ITPR2: variants seen among roughly 807,000 people sequenced by gnomAD.
ITPR2 encodes inositol 1,4,5-trisphosphate receptor type 2.
ITPR2 carries 207 observed loss-of-function variants against 317.1 expected under a neutral mutation model. The ratio of observed to expected loss-of-function variants is 0.65; its 90% CI spans 0.58 to 0.73. The LOEUF (loss-of-function observed/expected upper bound fraction) is 0.73. Among genes scored for constraint, ITPR2 ranks in the 30% least tolerant of loss-of-function variants. The probability of loss-of-function intolerance (pLI) is 0.00; values close to 1 mark genes in which losing one functional copy is unlikely to be tolerated. For missense variants in ITPR2, 2,613 were observed against 3,284.0 expected (o/e 0.80, Z 4.99); for synonymous variants, 1,156 against 1,149.1 (o/e 1.01, Z -0.12).
intron 56 of ITPR2, 59 bp from the exon 57 acceptor site, chr12:26,339,542 T>C: frequency 2.2e-6 from 3 of 1,347,764 alleles, no homozygotes; most frequent in Non-Finnish European, 3.2e-6. Context: ...CCAGTGCTGG[T>C]GGGCCACAAC....
intron 41 of ITPR2, among the ~76,000 whole-genome samples, chr12:26,484,631 A>G (rs1233644154): frequency 6.6e-6 from 1 of 152,240 alleles, no homozygotes; most frequent in Non-Finnish European, 1.5e-5. Flanking sequence ...ACATGTACCA[A>G]TAAACATAAC....
At chr12:26,453,820 A>G (rs1264649495) in intron 45 of ITPR2, among the ~76,000 whole-genome samples, 1 of 152,246 alleles carries the variant, frequency 6.6e-6, no homozygotes, top group East Asian at 1.9e-4. Context: ...GAACAGAAGA[A>G]TCTTTCTCCA....
chr12:26,722,441 A>AC lies in ITPR2; in HGVS notation c.480dup (p.Phe161ValfsTer14). 6.2e-7 allele frequency: 1 copy of AC among 1,613,302 alleles called. No homozygotes were observed. The highest frequency in any genetic ancestry group is 8.5e-7 in the Non-Finnish European group (1 of 1,179,496). ...AGTTTCCAGAACGGATGAATATAAA[A>AC]CCAAGACCCTTCATTTCCTGCAGCA... is the stretch of plus-strand genomic sequence containing the variant. On this transcript the variant is annotated frameshift_variant, in exon 5 of 57. Transcript: ENST00000381340. LOFTEE classifies it high-confidence loss of function.
chr12:26,554,308 G>C (rs78562964), intron 36 of ITPR2, among the ~76,000 whole-genome samples: 15,103 of 152,250 alleles, frequency 0.099, 1,043 homozygotes, highest in African/African-American at 0.2. Context: ...GACTGAGGAA[G>C]TGGATTTTTA....
intron 2 of ITPR2, among the ~76,000 whole-genome samples, chr12:26,787,016 C>CA (rs56123155): frequency 0.17 from 24,487 of 147,336 alleles, 2,681 homozygotes; most frequent in Non-Finnish European, 0.25. Flanking sequence ...CTTTTAAAGC[C>CA]AAAAAAAAAT....
intron 55 of ITPR2, among the ~76,000 whole-genome samples, chr12:26,352,398 A>T (rs1947716255): frequency 6.6e-6 from 1 of 152,206 alleles, no homozygotes. Context: ...ACCTCTGGCC[A>T]GCTCTTGGAT....
At chr12:26,817,233 G>A (rs1232574750) in intron 1 of ITPR2, among the ~76,000 whole-genome samples, 3 of 150,056 alleles carry the variant, frequency 2.0e-5, no homozygotes, top group Non-Finnish European at 4.4e-5. Flanking sequence ...AGAGCTAGAG[G>A]AAGGAGAAAC....
At chr12:26,772,215 T>C (rs978893905) in intron 2 of ITPR2, among the ~76,000 whole-genome samples, 2 of 151,560 alleles carry the variant, frequency 1.3e-5, no homozygotes, top group South Asian at 4.2e-4. Flanking sequence ...AGGTGCATAT[T>C]GGGCCCAACA....
intron 10 of ITPR2, among the ~76,000 whole-genome samples, chr12:26,692,919 T>C (rs1948267201): frequency 6.6e-6 from 1 of 152,242 alleles, no homozygotes; most frequent in Non-Finnish European, 1.5e-5. Flanking sequence ...TATTCTGTTT[T>C]GGGAAACTGA....
intron 13 of ITPR2, among the ~76,000 whole-genome samples, chr12:26,674,472 C>G (rs1425044135): frequency 5.9e-5 from 9 of 152,124 alleles, no homozygotes; most frequent in Admixed American, 6.6e-5. Flanking sequence ...ATAAATGGTG[C>G]TGGGAAAACT....
At chr12:26,665,473 T>C (rs1306595777) in intron 14 of ITPR2, among the ~76,000 whole-genome samples, 4 of 152,206 alleles carry the variant, frequency 2.6e-5, no homozygotes, top group African/African-American at 7.2e-5. Flanking sequence ...TTCTAACTAA[T>C]AGAACACAGT....
intron 21 of ITPR2, among the ~76,000 whole-genome samples, chr12:26,651,384 T>A (rs1165136303): frequency 1.3e-5 from 2 of 152,214 alleles, no homozygotes; most frequent in Non-Finnish European, 2.9e-5. Context: ...TGACACCTTA[T>A]AATTTAATCT....
chr12:26,412,470 G>A (rs1940580990), intron 51 of ITPR2, among the ~76,000 whole-genome samples: 1 of 152,184 alleles, frequency 6.6e-6, no homozygotes, highest in Admixed American at 6.5e-5. Flanking sequence ...AGAGAAGAGT[G>A]TGCCCTGTGG....
At chr12:26,388,403 A>G (rs1939728586) in intron 54 of ITPR2, among the ~76,000 whole-genome samples, 1 of 152,092 alleles carries the variant, frequency 6.6e-6, no homozygotes, top group African/African-American at 2.4e-5. Flanking sequence ...CTGAAATCCA[A>G]CCCTGGCTAT....
intron 54 of ITPR2, among the ~76,000 whole-genome samples, chr12:26,398,120 G>T (rs568707909): frequency 4.3e-4 from 65 of 151,156 alleles, no homozygotes; most frequent in African/African-American, 1.6e-3. Flanking sequence ...GAGAGAGAGA[G>T]AAATTAAAAA....
intron 9 of ITPR2, among the ~76,000 whole-genome samples, chr12:26,705,155 C>G (rs1055585824): frequency 6.6e-6 from 1 of 152,122 alleles, no homozygotes; most frequent in Non-Finnish European, 1.5e-5. Context: ...CCCTGGCCTG[C>G]AACTCTGCTT....
At position 26,550,315 on chromosome 12, in the gene ITPR2, T is replaced by C; in HGVS notation, c.5005A>G (p.Lys1669Glu). 1 of 1,527,876 alleles carries C rather than the reference T, an allele frequency of 6.5e-7. No individual in the cohort carries two copies. 94.6% of individuals were successfully genotyped at this position (1,527,876 alleles called of 1,614,324 possible). Residue 1669 changes from lysine (K) to glutamate (E), a missense_variant, in exon 37 of 57, where the codon AAA becomes GAA. This residue lies in a region of ITPR2 where 926 missense variants were observed against 1,072.8 expected (regional missense o/e 0.86). Transcript: ENST00000381340. The part of the protein sequence containing the change: ...HTKKLMEKEE[K>E]LCIKILQTLR... ...GTCTGAAGAATTTTAATGCACAGTT[T>C]TTCTTCTTTCTCCATTAGTTTCTTT... is the stretch of plus-strand genomic sequence containing the variant.
intron 1 of ITPR2, among the ~76,000 whole-genome samples, chr12:26,795,408 C>G (rs1032944229): frequency 1.3e-5 from 2 of 151,620 alleles, no homozygotes; most frequent in South Asian, 4.2e-4. Context: ...CATAAAAGAC[C>G]GATAAGTTTG....
chr12:26,818,733 C>T (rs1485725261), intron 1 of ITPR2, among the ~76,000 whole-genome samples: 1 of 151,886 alleles, frequency 6.6e-6, no homozygotes, highest in African/African-American at 2.4e-5. Context: ...ATGTAAAGAA[C>T]CAGAACTGAA....
Sources: allele counts gnomAD v4.1 joint callset (sites outside exome capture counted in the v4.1 genomes callset), GRCh38; gene constraint gnomAD v4.1.1; regional missense constraint gnomAD v4.1.1; transcripts MANE v1.5; gene names NCBI Gene and HGNC (gene_info 2026-07-23, HGNC 2026-07-21).